The following PHYHIPL variants were observed in gnomAD, a reference collection of about 807,000 sequenced individuals.
PHYHIPL encodes the protein phytanoyl-CoA 2-hydroxylase interacting protein like, also known as phytanoyl-CoA hydroxylase-interacting protein-like.
Under a neutral mutation model 33.4 loss-of-function variants are expected in PHYHIPL, and 9 were observed. That is an observed-to-expected ratio of 0.27 (90% CI 0.16 to 0.47). PHYHIPL has a LOEUF of 0.47. Among genes scored for constraint, PHYHIPL ranks in the 20% least tolerant of loss-of-function variants. PHYHIPL has a pLI of 0.99. For synonymous variants in PHYHIPL, 153 were observed against 154.1 expected (o/e 0.99, Z 0.05); for missense variants, 365 against 460.7 (o/e 0.79, Z 1.90).
chr10:59,175,850 T>A (rs780864489), upstream of PHYHIPL, among the ~76,000 whole-genome samples: 2 of 152,200 alleles, frequency 1.3e-5, no homozygotes, highest in Non-Finnish European at 2.9e-5. Flanking sequence ...GAGCATTGAA[T>A]ACTTATTTGC....
intron 1 of PHYHIPL, among the ~76,000 whole-genome samples, chr10:59,185,681 A>G (rs1357787734): frequency 2.0e-5 from 3 of 152,056 alleles, no homozygotes; most frequent in Non-Finnish European, 4.4e-5. Context: ...ATGGTATCTC[A>G]TTGTGGTTTT....
intron 1 of PHYHIPL, among the ~76,000 whole-genome samples, chr10:59,218,834 A>G (rs1018255795): frequency 2.6e-5 from 4 of 152,142 alleles, no homozygotes; most frequent in African/African-American, 9.7e-5. Context: ...TGGGCCCTGA[A>G]TATTAAGCTT....
intron 1 of PHYHIPL, among the ~76,000 whole-genome samples, chr10:59,211,664 T>TAAAAAAAA (rs58992023): frequency 5.4e-5 from 4 of 74,096 alleles, no homozygotes; most frequent in African/African-American, 1.3e-4. Flanking sequence ...GCGGACTCTC[T>TAAAAAAAA]AAAAAAAAAA....
chr10:59,244,645 C>G (rs966132922), intron 4 of PHYHIPL, among the ~76,000 whole-genome samples: 6 of 143,982 alleles, frequency 4.2e-5, no homozygotes, highest in Non-Finnish European at 6.1e-5. Context: ...CATTTTATGA[C>G]TAAATCTATC....
intron 1 of PHYHIPL, among the ~76,000 whole-genome samples, chr10:59,181,016 C>T (rs1838401378): frequency 6.6e-6 from 1 of 152,082 alleles, no homozygotes; most frequent in Non-Finnish European, 1.5e-5. Context: ...TTAGATCAGA[C>T]CACCCCTGTT....
chr10:59,182,168 C>A (rs1357090474), intron 1 of PHYHIPL, among the ~76,000 whole-genome samples: 1 of 152,134 alleles, frequency 6.6e-6, no homozygotes, highest in African/African-American at 2.4e-5. Context: ...TCCTTCTCTG[C>A]TTTTCTTTAG....
At chr10:59,232,578 A>G (rs1357119807) in intron 1 of PHYHIPL, among the ~76,000 whole-genome samples, 2 of 152,000 alleles carry the variant, frequency 1.3e-5, no homozygotes, top group Non-Finnish European at 2.9e-5. Flanking sequence ...AAAAAATATT[A>G]ATAGTATCTT....
chr10:59,222,859 C>G (rs1448607689), intron 1 of PHYHIPL, among the ~76,000 whole-genome samples: 1 of 152,054 alleles, frequency 6.6e-6, no homozygotes, highest in African/African-American at 2.4e-5. Flanking sequence ...ATTGTTAAAT[C>G]ATATAACATT....
chr10:59,193,246 A>G (rs1270496769), intron 1 of PHYHIPL, among the ~76,000 whole-genome samples: 1 of 152,182 alleles, frequency 6.6e-6, no homozygotes, highest in Non-Finnish European at 1.5e-5. Context: ...TTAACATGGA[A>G]GAAATACAAT....
chr10:59,215,225 A>G (rs768589531), intron 1 of PHYHIPL, among the ~76,000 whole-genome samples: 13 of 152,028 alleles, frequency 8.6e-5, no homozygotes, highest in Non-Finnish European at 1.9e-4. Flanking sequence ...TATTTTTTAA[A>G]TGATAGTTAT....
intron 1 of PHYHIPL, among the ~76,000 whole-genome samples, chr10:59,181,648 T>C (rs1191279847): frequency 2.0e-5 from 3 of 152,214 alleles, no homozygotes; most frequent in East Asian, 3.8e-4. Context: ...ACACGTAGCA[T>C]GTAGATTAAT....
chr10:59,196,780 G>T (rs2133208661), intron 1 of PHYHIPL, among the ~76,000 whole-genome samples: 1 of 152,178 alleles, frequency 6.6e-6, no homozygotes, highest in African/African-American at 2.4e-5. Context: ...GAATAGATTT[G>T]TATTATATTC....
chr10:59,194,898 G>C (rs1838869126), intron 1 of PHYHIPL, among the ~76,000 whole-genome samples: 1 of 152,048 alleles, frequency 6.6e-6, no homozygotes. Context: ...CTGAATTTCT[G>C]GCATTTACCT....
At chr10:59,196,694 C>T (rs1030376733) in intron 1 of PHYHIPL, among the ~76,000 whole-genome samples, 1 of 151,748 alleles carries the variant, frequency 6.6e-6, no homozygotes, top group Non-Finnish European at 1.5e-5. Context: ...TGGTATTACA[C>T]GTGTGAGCCA....
In PHYHIPL at chr10:59,245,519, C is replaced by T. The variant is rs1260865862; in HGVS notation, c.1059C>T (p.Leu353=). ...TGGCAGAAATCACTGGTCATCAGCT[C>T]ATGAGTTTGTCTACTGCAAATGCAA... ...GTVAEITGHQ[L]MSLSTANAKK... is the part of the protein sequence containing the mutation. Residue 353 remains leucine (L), a synonymous_variant, in exon 5 of 5, where the codon CTC becomes CTT. Coordinates refer to ENST00000373880, the MANE Select transcript of PHYHIPL (RefSeq NM_032439.4). 1 of 1,613,960 alleles carries T rather than the reference C, an allele frequency of 6.2e-7. No homozygotes were observed. The highest frequency in any genetic ancestry group is 8.5e-7 in the Non-Finnish European group (1 of 1,179,978).
chr10:59,204,534 T>A (rs1839231723), intron 1 of PHYHIPL, among the ~76,000 whole-genome samples: 1 of 152,142 alleles, frequency 6.6e-6, no homozygotes, highest in African/African-American at 2.4e-5. Context: ...TTAGTGCAAA[T>A]TTAGTTTGGT....
intron 1 of PHYHIPL, among the ~76,000 whole-genome samples, chr10:59,232,669 C>G (rs1026698077): frequency 6.6e-6 from 1 of 151,688 alleles, no homozygotes; most frequent in Non-Finnish European, 1.5e-5. Flanking sequence ...CTACATGATC[C>G]TAAATAACAA....
chr10:59,186,471 A>G (rs1323292578), intron 1 of PHYHIPL, among the ~76,000 whole-genome samples: 1 of 152,052 alleles, frequency 6.6e-6, no homozygotes, highest in African/African-American at 2.4e-5. Flanking sequence ...TTCCATATGA[A>G]CTTTAAAGTA....
chr10:59,209,211 C>G (rs908326422), intron 1 of PHYHIPL, among the ~76,000 whole-genome samples: 1 of 152,226 alleles, frequency 6.6e-6, no homozygotes, highest in Non-Finnish European at 1.5e-5. Flanking sequence ...GGAAGCCCAT[C>G]AGACTAACAG....
Sources: gnomAD v4.1 joint callset for allele counts (sites outside exome capture counted in the v4.1 genomes callset) on GRCh38, gnomAD v4.1.1 for gene constraint, MANE v1.5 for transcripts, NCBI Gene and HGNC (gene_info 2026-07-23, HGNC 2026-07-21) for gene names.